ERI3: variants seen among roughly 807,000 people sequenced by gnomAD.
The protein encoded by ERI3 is ERI1 exoribonuclease 3.
A neutral mutation model predicts 44.4 loss-of-function variants in ERI3; 18 were observed. That is an observed-to-expected ratio of 0.41 (90% CI 0.28 to 0.60). ERI3 has a LOEUF of 0.60. ERI3 is among the 20% of genes least tolerant of loss of function. ERI3 has a pLI of 0.36. For synonymous variants in ERI3, 183 were observed against 164.8 expected, an observed-to-expected ratio of 1.11 and a Z score of -0.84; for missense variants, 294 against 435.5, an observed-to-expected ratio of 0.68 and a Z score of 2.89.
In ERI3 at chr1:44,354,931, G is replaced by A; in HGVS notation, c.96C>T (p.Pro32=). ...CCCAACTCGGGCCCATCCAAGTCCA[G>A]GGGAGAGTAAGGGGAGGGGCGGGGG... is the stretch of plus-strand genomic sequence containing the variant. The part of the protein sequence containing the change: ...SWPPAPPLTL[P]WTWMGPSWGQ... The change falls in exon 1 of 9, where the codon CCC becomes CCT. Residue 32 remains proline (P), a synonymous_variant. Coordinates refer to ENST00000372257, the MANE Select transcript of ERI3 (RefSeq NM_024066.3). The A allele has an allele frequency of 7.5e-7, 1 of 1,332,444 alleles. No individual in the cohort carries two copies. The highest frequency in any genetic ancestry group is 2.7e-5 in the South Asian group (1 of 37,502). The allele number at this position is 1,332,444 out of a possible 1,614,324, so 82.5% of individuals were successfully genotyped here.
chr1:44,326,240 A>G (rs1646309327), intron 3 of ERI3, among the ~76,000 whole-genome samples: 2 of 152,228 alleles, frequency 1.3e-5, no homozygotes, highest in South Asian at 4.1e-4. Flanking sequence ...CCTGGAAAAC[A>G]TGTGGGTTTT....
At chr1:44,224,723 G>A (rs1036905470) in intron 8 of ERI3, among the ~76,000 whole-genome samples, 1 of 152,176 alleles carries the variant, frequency 6.6e-6, no homozygotes, top group Non-Finnish European at 1.5e-5. Flanking sequence ...AGCAGACTTA[G>A]TGAAACCAAT....
chr1:44,331,101 G>A (rs1479661514), intron 3 of ERI3, among the ~76,000 whole-genome samples: 1 of 152,088 alleles, frequency 6.6e-6, no homozygotes, highest in Non-Finnish European at 1.5e-5. Flanking sequence ...CTCAGAGGAA[G>A]CTCAGCCTCC....
chr1:44,264,413 G>A (rs1204630883), intron 7 of ERI3, among the ~76,000 whole-genome samples: 1 of 152,186 alleles, frequency 6.6e-6, no homozygotes, highest in Non-Finnish European at 1.5e-5. Context: ...TTTAAACACA[G>A]TTACACAAGT....
intron 3 of ERI3, among the ~76,000 whole-genome samples, chr1:44,321,001 A>C (rs1430628354): frequency 1.3e-5 from 2 of 152,030 alleles, no homozygotes; most frequent in Non-Finnish European, 2.9e-5. Context: ...AATCAAGGTA[A>C]AGTGGTTCTC....
intron 8 of ERI3, among the ~76,000 whole-genome samples, chr1:44,225,393 G>T (rs952331784): frequency 6.6e-6 from 1 of 152,178 alleles, no homozygotes; most frequent in African/African-American, 2.4e-5. Flanking sequence ...CTCCCAAAGG[G>T]CTGGGATTAC....
chr1:44,344,213 G>C (rs1025969102), intron 2 of ERI3, among the ~76,000 whole-genome samples: 1 of 150,178 alleles, frequency 6.7e-6, no homozygotes, highest in African/African-American at 2.4e-5. Flanking sequence ...ACTCCAGCCT[G>C]GGTGACAGAG....
intron 8 of ERI3, among the ~76,000 whole-genome samples, chr1:44,224,029 C>T (rs1643971275): frequency 6.6e-6 from 1 of 152,188 alleles, no homozygotes; most frequent in East Asian, 1.9e-4. Context: ...GTGAATGGCA[C>T]CATAATCCAC....
chr1:44,264,473 T>G (rs1352327896), intron 7 of ERI3, among the ~76,000 whole-genome samples: 1 of 152,262 alleles, frequency 6.6e-6, no homozygotes, highest in Non-Finnish European at 1.5e-5. Flanking sequence ...AATTACCCTC[T>G]TAATCAATGA....
intron 6 of ERI3, among the ~76,000 whole-genome samples, chr1:44,287,482 T>C (rs533971402): frequency 2.0e-5 from 3 of 152,332 alleles, no homozygotes; most frequent in African/African-American, 4.8e-5. Flanking sequence ...AGACCCAAGA[T>C]ATCTCACCTG....
At chr1:44,354,602 G>A (rs989391032) in intron 1 of ERI3, 2 of 985,248 alleles carry the variant, frequency 2.0e-6, no homozygotes, top group South Asian at 4.7e-5. Context: ...GAGGGTCAAG[G>A]GAATGTTCTA....
At chr1:44,340,436 A>C (rs980568649) in intron 2 of ERI3, among the ~76,000 whole-genome samples, 2 of 152,234 alleles carry the variant, frequency 1.3e-5, no homozygotes, top group African/African-American at 4.8e-5. Context: ...GCCTCATTCC[A>C]ACACAACCAA....
intron 1 of ERI3, 95 bp downstream of exon 1, chr1:44,354,797 G>C (rs570252568): frequency 1.5e-6 from 2 of 1,291,752 alleles, no homozygotes; most frequent in East Asian, 5.7e-5. Context: ...ACATGGGCCA[G>C]CACCCCAGGT....
At position 44,322,455 on chromosome 1, in the gene ERI3, T is replaced by C. The variant is rs574630306; in HGVS notation, c.490-2711A>G. Among the ~76,000 whole-genome samples the C allele has an allele frequency of 4.6e-5, 7 of 150,732 alleles. No individual in the cohort carries two copies. The South Asian group carries it at 1.3e-3, about 27-fold the overall frequency. On this transcript the variant is annotated intron_variant, in intron 3 of 8. Transcript: ENST00000372257. ...GCCTACACCCAAGGCTCAGGACACA[T>C]CAAATTGGGCCTATTATAAACATAT...
At chr1:44,317,047 T>C (rs1646102083) in intron 4 of ERI3, among the ~76,000 whole-genome samples, 1 of 152,190 alleles carries the variant, frequency 6.6e-6, no homozygotes, top group Non-Finnish European at 1.5e-5. Flanking sequence ...TAGAGACTTG[T>C]TCAAACTGGA....
At chr1:44,337,310 C>T (rs1408339493) in intron 3 of ERI3, among the ~76,000 whole-genome samples, 1 of 152,172 alleles carries the variant, frequency 6.6e-6, no homozygotes, top group East Asian at 1.9e-4. Context: ...AGATTTTAGT[C>T]TCATGTCCCA....
intron 3 of ERI3, among the ~76,000 whole-genome samples, chr1:44,321,830 T>A (rs1162101822): frequency 6.6e-6 from 1 of 152,152 alleles, no homozygotes; most frequent in Non-Finnish European, 1.5e-5. Flanking sequence ...AAACTTTCAT[T>A]TGGAGAGCAG....
chr1:44,308,313 ACTT>A lies in ERI3; in HGVS notation c.752_754del (p.Lys251_Val252delinsIle). ...AAGCAGCCCTTCTCATACTCACATG[ACTT>A]TTAAGTCCCAGTCTCCACAGGTGAC... On this transcript the variant is annotated inframe_deletion, in exon 6 of 9. Transcript: ENST00000372257. 1 of 1,612,006 alleles carries A rather than the reference ACTT, an allele frequency of 6.2e-7. No homozygotes were observed. The highest frequency in any genetic ancestry group is 8.5e-7 in the Non-Finnish European group (1 of 1,178,068).
intron 8 of ERI3, among the ~76,000 whole-genome samples, chr1:44,237,946 C>T (rs1644342807): frequency 6.6e-6 from 1 of 151,984 alleles, no homozygotes; most frequent in South Asian, 2.1e-4. Flanking sequence ...TCACTGTAGC[C>T]CTAGCCCGTC....
Sources: gnomAD v4.1 joint callset for allele counts (sites outside exome capture counted in the v4.1 genomes callset) on GRCh38, gnomAD v4.1.1 for gene constraint, MANE v1.5 for transcripts, NCBI Gene and HGNC (gene_info 2026-07-23, HGNC 2026-07-21) for gene names.